ADAMTS19: variants seen among roughly 807,000 people sequenced by gnomAD.
ADAMTS19 encodes ADAM metallopeptidase with thrombospondin type 1 motif 19.
Under a neutral mutation model 153.3 loss-of-function variants are expected in ADAMTS19, and 93 were observed. The ratio of observed to expected loss-of-function variants is 0.61; its 90% CI spans 0.51 to 0.72. The LOEUF (loss-of-function observed/expected upper bound fraction) is 0.72, where lower values mean the gene tolerates loss of function less well. Among genes scored for constraint, ADAMTS19 ranks in the 30% least tolerant of loss-of-function variants. The pLI is 0.00. For synonymous variants in ADAMTS19, 600 were observed against 556.6 expected (o/e 1.08, Z -1.10); for missense variants, 1,482 against 1,552.1 (o/e 0.95, Z 0.76).
At chr5:129,679,997 A>G in intron 17 of ADAMTS19, 76 bp downstream of exon 17, 1 of 1,373,268 alleles carries the variant, frequency 7.3e-7, no homozygotes, top group East Asian at 2.5e-5. Context: ...ACTTCCTCTA[A>G]TATTTTTCAG....
intron 7 of ADAMTS19, among the ~76,000 whole-genome samples, chr5:129,594,737 C>T (rs1750294196): frequency 6.6e-6 from 1 of 151,868 alleles, no homozygotes; most frequent in African/African-American, 2.4e-5. Flanking sequence ...GTTTTTATTT[C>T]ATCTGTTGTT....
intron 19 of ADAMTS19, among the ~76,000 whole-genome samples, chr5:129,695,087 A>G (rs943411533): frequency 2.0e-5 from 3 of 152,178 alleles, no homozygotes; most frequent in Admixed American, 6.5e-5. Flanking sequence ...AGTAATTAAG[A>G]TCACTTTTTA....
At chr5:129,473,886 C>T (rs933684870) in intron 2 of ADAMTS19, among the ~76,000 whole-genome samples, 10 of 152,012 alleles carry the variant, frequency 6.6e-5, no homozygotes, top group Admixed American at 3.9e-4. Flanking sequence ...AAGGATATTG[C>T]GAATGCCCTT....
At chr5:129,526,938 G>A (rs1462409413) in intron 4 of ADAMTS19, among the ~76,000 whole-genome samples, 2 of 151,800 alleles carry the variant, frequency 1.3e-5, no homozygotes, top group Non-Finnish European at 2.9e-5. Flanking sequence ...CCCCACAAAA[G>A]GACCATAGGT....
At chr5:129,621,332 A>C (rs1206281590) in intron 9 of ADAMTS19, among the ~76,000 whole-genome samples, 1 of 152,142 alleles carries the variant, frequency 6.6e-6, no homozygotes, top group African/African-American at 2.4e-5. Context: ...TATTTCTATA[A>C]TTATAGAAGG....
intron 15 of ADAMTS19, among the ~76,000 whole-genome samples, chr5:129,663,572 A>G (rs1296094742): frequency 6.6e-6 from 1 of 152,036 alleles, no homozygotes; most frequent in East Asian, 1.9e-4. Flanking sequence ...TATTATACCC[A>G]CTTTCTTTTG....
At chr5:129,588,108 C>T (rs1749911607) in intron 7 of ADAMTS19, among the ~76,000 whole-genome samples, 1 of 152,064 alleles carries the variant, frequency 6.6e-6, no homozygotes, top group South Asian at 2.1e-4. Context: ...CACTGTGTAC[C>T]ACTGGCTTTG....
intron 16 of ADAMTS19, among the ~76,000 whole-genome samples, chr5:129,668,664 G>A (rs1158090136): frequency 6.6e-6 from 1 of 151,958 alleles, no homozygotes; most frequent in African/African-American, 2.4e-5. Flanking sequence ...TATGGGGGGG[G>A]ACACAAATAT....
At chr5:129,680,229 A>G (rs752168163) in intron 17 of ADAMTS19, among the ~76,000 whole-genome samples, 2 of 152,184 alleles carry the variant, frequency 1.3e-5, no homozygotes, top group Non-Finnish European at 2.9e-5. Context: ...GAGGATGTCT[A>G]TGAAGAGAGT....
intron 6 of ADAMTS19, among the ~76,000 whole-genome samples, chr5:129,545,190 G>A (rs1425732841): frequency 6.6e-6 from 1 of 152,092 alleles, no homozygotes. Flanking sequence ...AGAATAAGAT[G>A]TTTTGGGGGA....
intron 16 of ADAMTS19, among the ~76,000 whole-genome samples, chr5:129,667,348 T>A (rs1268139051): frequency 6.6e-6 from 1 of 152,190 alleles, no homozygotes; most frequent in Non-Finnish European, 1.5e-5. Flanking sequence ...CATGTTTATT[T>A]GATGTAAATT....
At chr5:129,732,867 A>T (rs1312687407) in intron 21 of ADAMTS19, among the ~76,000 whole-genome samples, 1 of 152,122 alleles carries the variant, frequency 6.6e-6, no homozygotes, top group Non-Finnish European at 1.5e-5. Flanking sequence ...AGCAATCCTA[A>T]GTAAAGAACA....
intron 18 of ADAMTS19, among the ~76,000 whole-genome samples, chr5:129,684,807 G>A (rs913900592): frequency 6.6e-5 from 10 of 152,108 alleles, no homozygotes; most frequent in South Asian, 2.1e-4. Flanking sequence ...CTAACACGGC[G>A]AAACCCCGTC....
chr5:129,579,918 G>C (rs1581107871), intron 7 of ADAMTS19, among the ~76,000 whole-genome samples: 1 of 152,084 alleles, frequency 6.6e-6, no homozygotes, highest in Non-Finnish European at 1.5e-5. Context: ...TGACTATACG[G>C]GCTCTTTTTT....
At chr5:129,491,986 C>T (rs546630943) in intron 2 of ADAMTS19, among the ~76,000 whole-genome samples, 1 of 152,170 alleles carries the variant, frequency 6.6e-6, no homozygotes, top group South Asian at 2.1e-4. Flanking sequence ...AAGTTGTATT[C>T]GTCTGTTCTT....
rs545121645 is a variant in ADAMTS19, at chr5:129,706,727, G to C, written c.3312+2336G>C. ...CATACAATGCTGCATGTGGAAATAC[G>C]GCTAGCAAATCCTATTTGCTTGACA... is the stretch of plus-strand genomic sequence containing the variant. On this transcript the variant is annotated intron_variant, in intron 21 of 22. Coordinates refer to ENST00000274487, the MANE Select transcript of ADAMTS19 (RefSeq NM_133638.6). Among the ~76,000 whole-genome samples the C allele has an allele frequency of 1.6e-4, 24 of 152,056 alleles. 1 individual carries two copies. Among genetic ancestry groups the C allele is most frequent in the Admixed American group, 1.6e-3 (24 of 15,264 alleles).
Position 129,701,478 on chromosome 5 carries a change from T to C in ADAMTS19, c.3045T>C (p.Asn1015=). ...RQVACTQQLS[N]GTLIRARERD... ...TGGCCTGTACCCAACAACTGAGCAA[T>C]GGAACACTGATTAGAGCCCGAGAGA... is the stretch of plus-strand genomic sequence containing the variant. The change falls in exon 20 of 23, where the codon AAT becomes AAC. Residue 1015 remains asparagine, a synonymous_variant. Transcript: ENST00000274487. 8 of 1,614,132 alleles carry C rather than the reference T, an allele frequency of 5.0e-6. No individual in the cohort carries two copies. Among genetic ancestry groups the C allele is most frequent in the Non-Finnish European group, 6.8e-6 (8 of 1,180,022 alleles).
intron 8 of ADAMTS19, among the ~76,000 whole-genome samples, chr5:129,601,700 C>T (rs894549612): frequency 1.3e-5 from 2 of 152,198 alleles, no homozygotes; most frequent in African/African-American, 4.8e-5. Context: ...GTTGTGCAGA[C>T]AGTGCTTAAT....
At chr5:129,629,624 AG>A (rs1183674953) in intron 10 of ADAMTS19, among the ~76,000 whole-genome samples, 1 of 152,094 alleles carries the variant, frequency 6.6e-6, no homozygotes, top group Admixed American at 6.6e-5. Context: ...ACATCTGCAA[AG>A]TGTTTAAAGG....
Sources: allele counts gnomAD v4.1 joint callset (sites outside exome capture counted in the v4.1 genomes callset), GRCh38; gene constraint gnomAD v4.1.1; transcripts MANE v1.5; gene names NCBI Gene and HGNC (gene_info 2026-07-23, HGNC 2026-07-21).